Variants in AK4 observed in about 807,000 individuals in gnomAD.
AK4 encodes the protein adenylate kinase 4.
In AK4, 13 loss-of-function variants were observed where a neutral mutation model predicts 24.6. The observed-to-expected ratio is 0.53, with a 90% CI of 0.34 to 0.84. The LOEUF is 0.84. Among genes scored for constraint, AK4 ranks in the 40% least tolerant of loss-of-function variants. The probability of loss-of-function intolerance (pLI) is 0.01; values close to 1 mark genes in which losing one functional copy is unlikely to be tolerated. For synonymous variants in AK4, 88 were observed against 107.0 expected (o/e 0.82, Z 1.10); for missense variants, 192 against 288.2 (o/e 0.67, Z 2.42).
At chr1:65,218,442 T>G (rs1652197474) in intron 2 of AK4, among the ~76,000 whole-genome samples, 1 of 152,230 alleles carries the variant, frequency 6.6e-6, no homozygotes, top group African/African-American at 2.4e-5. Flanking sequence ...GTCTTCCAAA[T>G]GCAGAAGCTA....
At chr1:65,173,629 G>T (rs1006125877) in intron 1 of AK4, among the ~76,000 whole-genome samples, 1 of 152,292 alleles carries the variant, frequency 6.6e-6, no homozygotes, top group East Asian at 1.9e-4. Flanking sequence ...CACTGTGGGA[G>T]GCCAAGGTGG....
chr1:65,186,667 T>C (rs966649585), intron 1 of AK4, among the ~76,000 whole-genome samples: 3 of 152,222 alleles, frequency 2.0e-5, no homozygotes, highest in African/African-American at 7.2e-5. Flanking sequence ...GTTGTTTATC[T>C]ACCTTAAAGT....
chr1:65,147,707 C>G (rs1229797358), upstream of AK4: 33 of 152,064 alleles, frequency 2.2e-4, no homozygotes, highest in Non-Finnish European at 1.5e-5. Context: ...AGGCGCGGGG[C>G]TCGGGCTCGT....
intron 1 of AK4, among the ~76,000 whole-genome samples, chr1:65,186,815 TA>T (rs1651114478): frequency 1.3e-5 from 2 of 152,134 alleles, no homozygotes; most frequent in Admixed American, 1.3e-4. Flanking sequence ...ACCACACAGG[TA>T]TTACCCAAGA....
At chr1:65,205,609 A>T (rs1452071678) in intron 2 of AK4, among the ~76,000 whole-genome samples, 1 of 152,160 alleles carries the variant, frequency 6.6e-6, no homozygotes, top group Non-Finnish European at 1.5e-5. Context: ...TCATACTTGA[A>T]GTCAGTAGAA....
At chr1:65,211,405 G>A (rs1392360882) in intron 2 of AK4, among the ~76,000 whole-genome samples, 1 of 152,232 alleles carries the variant, frequency 6.6e-6, no homozygotes, top group Non-Finnish European at 1.5e-5. Context: ...TAAGCTGCCT[G>A]TCAGAGACAT....
intron 2 of AK4, among the ~76,000 whole-genome samples, chr1:65,198,024 T>A (rs1651536672): frequency 6.6e-6 from 1 of 152,214 alleles, no homozygotes; most frequent in Non-Finnish European, 1.5e-5. Context: ...AATTCTGCTT[T>A]CATAATTAAA....
chr1:65,156,277 C>CT (rs1649981386), intron 1 of AK4, among the ~76,000 whole-genome samples: 1 of 152,074 alleles, frequency 6.6e-6, no homozygotes, highest in Admixed American at 6.6e-5. Context: ...GGGGTATCTG[C>CT]TTTTAACTTT....
intron 2 of AK4, among the ~76,000 whole-genome samples, chr1:65,194,576 C>T (rs1012753191): frequency 1.3e-5 from 2 of 152,200 alleles, no homozygotes; most frequent in African/African-American, 4.8e-5. Context: ...ATTCTCTTGC[C>T]TCAGCCTCCC....
intron 2 of AK4, among the ~76,000 whole-genome samples, chr1:65,193,015 G>T (rs957783776): frequency 6.6e-6 from 1 of 152,208 alleles, no homozygotes; most frequent in South Asian, 2.1e-4. Flanking sequence ...CAGTTCTGGG[G>T]TGTTGACAGT....
At chr1:65,177,466 G>A (rs1423183544) in intron 1 of AK4, among the ~76,000 whole-genome samples, 1 of 152,208 alleles carries the variant, frequency 6.6e-6, no homozygotes, top group Non-Finnish European at 1.5e-5. Context: ...AGAGGAGATG[G>A]CACAAAGAGA....
chr1:65,200,570 G>T (rs1651632177), intron 2 of AK4, among the ~76,000 whole-genome samples: 1 of 152,186 alleles, frequency 6.6e-6, no homozygotes, highest in African/African-American at 2.4e-5. Flanking sequence ...AAAGTACACA[G>T]CCTGATCAGA....
At chr1:65,152,348 CTCTCTCTCTCTCTATATA>C (rs1314926417) in intron 1 of AK4, among the ~76,000 whole-genome samples, 20 of 44,314 alleles carry the variant, frequency 4.5e-4, no homozygotes, top group East Asian at 3.6e-3. Context: ...CTCTCTCTCT[CTCTCTCTCTCTCTATATA>C]TATATATATA....
intron 1 of AK4, among the ~76,000 whole-genome samples, chr1:65,170,563 CTT>C (rs1650482386): frequency 6.6e-6 from 1 of 152,184 alleles, no homozygotes; most frequent in Non-Finnish European, 1.5e-5. Context: ...ACGTTTGAAA[CTT>C]TGCTTTTCCT....
intron 1 of AK4, chr1:65,148,862 C>G (rs756535037): frequency 3.9e-6 from 1 of 253,240 alleles, no homozygotes; most frequent in Admixed American, 5.7e-5. Context: ...CCGGAGCTTC[C>G]GTCTCACGCT....
chr1:65,185,905 G>C (rs1651083374), intron 1 of AK4, among the ~76,000 whole-genome samples: 1 of 151,610 alleles, frequency 6.6e-6, no homozygotes, highest in Non-Finnish European at 1.5e-5. Flanking sequence ...GTGAGCTACT[G>C]TGTCTGGCCT....
At chr1:65,183,091 AATGAGT>A (rs1650963582) in intron 1 of AK4, among the ~76,000 whole-genome samples, 1 of 152,184 alleles carries the variant, frequency 6.6e-6, no homozygotes, top group Admixed American at 6.5e-5. Context: ...ATATTAGCTG[AATGAGT>A]ATTTTGTGGA....
At chr1:65,152,775 C>G (rs1649844637) in intron 1 of AK4, among the ~76,000 whole-genome samples, 1 of 151,964 alleles carries the variant, frequency 6.6e-6, no homozygotes, top group Admixed American at 6.6e-5. Flanking sequence ...GTCTATGGGC[C>G]CAGCCTCTTT....
At chr1:65,158,456 G>A (rs999562049) in intron 1 of AK4, among the ~76,000 whole-genome samples, 1 of 152,152 alleles carries the variant, frequency 6.6e-6, no homozygotes, top group African/African-American at 2.4e-5. Flanking sequence ...TTTCACAATG[G>A]ACAATGAATC....
Sources: allele counts gnomAD v4.1 joint callset (sites outside exome capture counted in the v4.1 genomes callset), GRCh38; gene constraint gnomAD v4.1.1; transcripts MANE v1.5; gene names NCBI Gene and HGNC (gene_info 2026-07-23, HGNC 2026-07-21).